Variants in CBLB observed in about 807,000 individuals in gnomAD.
CBLB encodes E3 ubiquitin-protein ligase CBL-B.
A neutral mutation model predicts 104.9 loss-of-function variants in CBLB; 31 were observed. The ratio of observed to expected loss-of-function variants is 0.30; its 90% CI spans 0.22 to 0.40. CBLB has a LOEUF of 0.40. Among genes scored for constraint, CBLB ranks in the 10% least tolerant of loss-of-function variants. CBLB has a pLI of 1.00. For missense variants in CBLB, 1,062 were observed against 1,214.6 expected (o/e 0.87, Z 1.87); for synonymous variants, 440 against 422.6 (o/e 1.04, Z -0.51).
chr3:105,799,254 AAAT>A (rs901654952), intron 3 of CBLB, among the ~76,000 whole-genome samples: 1 of 152,130 alleles, frequency 6.6e-6, no homozygotes, highest in African/African-American at 2.4e-5. Context: ...GGTATTATCA[AAAT>A]AAAAAAGCAA....
intron 3 of CBLB, among the ~76,000 whole-genome samples, chr3:105,795,796 T>C (rs766716405): frequency 1.3e-5 from 2 of 152,144 alleles, no homozygotes; most frequent in Non-Finnish European, 2.9e-5. Flanking sequence ...CAGGCTGGAG[T>C]GCAGTGGCGC....
intron 5 of CBLB, among the ~76,000 whole-genome samples, chr3:105,747,575 G>C (rs546655769): frequency 3.7e-4 from 57 of 152,092 alleles, no homozygotes; most frequent in African/African-American, 1.3e-3. Context: ...ATAATAATAT[G>C]AGAGGTTGAA....
intron 3 of CBLB, among the ~76,000 whole-genome samples, chr3:105,811,096 T>A (rs768996250): frequency 6.6e-6 from 1 of 152,266 alleles, no homozygotes; most frequent in Non-Finnish European, 1.5e-5. Flanking sequence ...GATTAAAGAG[T>A]ATTTTTCAGG....
At chr3:105,795,820 T>G (rs1332856976) in intron 3 of CBLB, among the ~76,000 whole-genome samples, 1 of 152,150 alleles carries the variant, frequency 6.6e-6, no homozygotes, top group East Asian at 1.9e-4. Context: ...CTCGGCTCAC[T>G]GCAACCTCTG....
In CBLB at chr3:105,720,480, A is replaced by T. The variant is rs184044271; in HGVS notation, c.1204-230T>A. On this transcript the variant is annotated intron_variant, in intron 9 of 18. Transcript: ENST00000394030. ...CCGAAGGAAAAATAAAGTTTTAAGA[A>T]AGTTTGATTTTCCCAAGAGAAGAAA... is the stretch of plus-strand genomic sequence containing the variant. Among the ~76,000 whole-genome samples, 30 of 152,228 alleles carry T rather than the reference A, an allele frequency of 2.0e-4. No homozygotes were observed. In the East Asian group the frequency reaches 5.8e-3, roughly 29 times the overall value.
At chr3:105,819,259 G>A (rs1178614967) in intron 3 of CBLB, among the ~76,000 whole-genome samples, 1 of 152,164 alleles carries the variant, frequency 6.6e-6, no homozygotes, top group Non-Finnish European at 1.5e-5. Flanking sequence ...GGCCAAGGGG[G>A]GTGGATCCCC....
At chr3:105,771,784 C>G (rs529947242) in intron 4 of CBLB, among the ~76,000 whole-genome samples, 1 of 152,068 alleles carries the variant, frequency 6.6e-6, no homozygotes, top group Non-Finnish European at 1.5e-5. Context: ...CCCTTTGCAA[C>G]AGCTGAAAAA....
rs1315356101 is a variant in CBLB, at chr3:105,685,425, C to G, written c.2096G>C (p.Arg699Thr). 1 of 1,613,330 alleles carries G rather than the reference C, an allele frequency of 6.2e-7. No individual in the cohort carries two copies. The change falls in exon 14 of 19, where the codon AGA (arginine) becomes ACA (threonine). Residue 699 changes from arginine to threonine, a missense_variant. Arg to Thr is a moderately conservative substitution (Grantham distance 71). Around this residue, in one of 2 missense-constraint regions of CBLB, gnomAD observed 605 missense variants for 582.6 expected, o/e 1.04. Coordinates refer to ENST00000394030, the MANE Select transcript of CBLB (RefSeq NM_170662.5). ...PLANSLSEKTRDPVEEDDDEY... is the reference protein window; with the variant it reads ...PLANSLSEKTTDPVEEDDDEY... ...ATCATCATCTTCCTCTACTGGGTCT[C>G]TTGTTTTCTCTGAAAGAGAATTTGC...
intron 2 of CBLB, among the ~76,000 whole-genome samples, chr3:105,857,492 C>T (rs890438531): frequency 1.3e-5 from 2 of 152,086 alleles, no homozygotes; most frequent in South Asian, 2.1e-4. Flanking sequence ...AGATTCCACC[C>T]AATCCATTCA....
In CBLB at chr3:105,776,274, T is replaced by A. The variant is rs150678144; in HGVS notation, c.566+122A>T. The A allele has an allele frequency of 6.0e-4, 530 of 885,166 alleles. 4 individuals carry two copies. The African/African-American group carries it at 8.1e-3, about 13-fold the overall frequency. 54.8% of individuals were successfully genotyped at this position (885,166 alleles called of 1,614,324 possible). A position where few individuals can be genotyped will look rare whatever the true frequency, so the allele number is the denominator to read the frequency against. On this transcript the variant is annotated intron_variant, in intron 4 of 18. Transcript: ENST00000394030. ...AATTACCAATCAATCAAAATGCTTA[T>A]CAAAAATAATAAAATACATTCACAA...
intron 9 of CBLB, among the ~76,000 whole-genome samples, chr3:105,725,468 T>C (rs1295362165): frequency 1.3e-5 from 2 of 152,214 alleles, no homozygotes; most frequent in African/African-American, 2.4e-5. Flanking sequence ...CACTCTACAA[T>C]ATAGTGGGCA....
chr3:105,827,316 CT>C (rs1303851163), intron 3 of CBLB, among the ~76,000 whole-genome samples: 10 of 151,804 alleles, frequency 6.6e-5, no homozygotes, highest in South Asian at 2.1e-4. Flanking sequence ...CATTATGAAA[CT>C]TTTTTTTTCC....
intron 3 of CBLB, among the ~76,000 whole-genome samples, chr3:105,843,337 C>T (rs894190525): frequency 5.3e-5 from 8 of 152,028 alleles, no homozygotes; most frequent in Admixed American, 2.6e-4. Flanking sequence ...TGTTTGTTGC[C>T]TTCTCTTTGT....
chr3:105,676,655 G>A (rs561349897), intron 17 of CBLB, among the ~76,000 whole-genome samples: 41 of 152,210 alleles, frequency 2.7e-4, no homozygotes, highest in Middle Eastern at 3.4e-3. Flanking sequence ...AAAAAATAGC[G>A]AAATACAGCA....
chr3:105,869,168 C>G (rs541034492), upstream of CBLB: 268 of 594,908 alleles, frequency 4.5e-4, 2 homozygotes, highest in African/African-American at 5.1e-3. Context: ...GCGCTGCCGC[C>G]CCGTCCACGT....
At chr3:105,681,301 T>A in intron 16 of CBLB, 178 bp downstream of exon 16, 2 of 631,634 alleles carry the variant, frequency 3.2e-6, no homozygotes, top group Non-Finnish European at 5.6e-6. Context: ...ACCTTAATCA[T>A]CTACATGGAG....
chr3:105,701,743 G>A (rs544738356), intron 12 of CBLB, among the ~76,000 whole-genome samples: 2 of 146,512 alleles, frequency 1.4e-5, no homozygotes, highest in South Asian at 4.5e-4. Flanking sequence ...AGCCTGGGGG[G>A]CAAGAGCGAG....
chr3:105,718,723 G>A (rs180889091), intron 10 of CBLB, among the ~76,000 whole-genome samples: 77 of 152,256 alleles, frequency 5.1e-4, no homozygotes, highest in Non-Finnish European at 9.1e-4. Context: ...TGAACTCAGC[G>A]GCGGTAAGTA....
intron 12 of CBLB, among the ~76,000 whole-genome samples, chr3:105,698,754 G>A (rs370114119): frequency 1.3e-5 from 2 of 151,878 alleles, no homozygotes; most frequent in East Asian, 1.9e-4. Flanking sequence ...AGGTATGAAG[G>A]GTGAAAATAC....
Sources: gnomAD v4.1 joint callset for allele counts (sites outside exome capture counted in the v4.1 genomes callset) on GRCh38, gnomAD v4.1.1 for gene constraint, gnomAD v4.1.1 regional missense constraint, MANE v1.5 for transcripts, NCBI Gene and HGNC (gene_info 2026-07-23, HGNC 2026-07-21) for gene names.